SLC24A2: variants seen among roughly 807,000 people sequenced by gnomAD.
SLC24A2 encodes solute carrier family 24 member 2.
In SLC24A2, 36 loss-of-function variants were observed where a neutral mutation model predicts 62.0. The observed-to-expected ratio is 0.58, with a 90% CI of 0.44 to 0.77. The LOEUF (loss-of-function observed/expected upper bound fraction) is 0.77, where lower values mean the gene tolerates loss of function less well. Among genes scored for constraint, SLC24A2 ranks in the 30% least tolerant of loss-of-function variants. The pLI is 0.00. For missense variants in SLC24A2, 846 were observed against 817.9 expected (o/e 1.03, Z -0.42); for synonymous variants, 358 against 294.0 (o/e 1.22, Z -2.23).
At chr9:19,763,341 T>C (rs1822405288) in intron 2 of SLC24A2, among the ~76,000 whole-genome samples, 1 of 152,226 alleles carries the variant, frequency 6.6e-6, no homozygotes. Flanking sequence ...TGGCCAGAAC[T>C]TCCAATACTA....
chr9:20,081,071 G>A, the SLC24A2 span, among the ~76,000 whole-genome samples: 62 of 152,268 alleles, frequency 4.1e-4, no homozygotes, highest in African/African-American at 1.5e-3. Context: ...TCAGTGTGGC[G>A]ATTCCTCAGG....
the SLC24A2 span, chr9:19,929,224 A>G: frequency 6.6e-6 from 1 of 152,160 alleles, no homozygotes; most frequent in African/African-American, 2.4e-5. Flanking sequence ...GACTGAAGGG[A>G]ACTCCTTTCA....
intron 2 of SLC24A2, among the ~76,000 whole-genome samples, chr9:19,785,386 C>T (rs944321397): frequency 6.6e-6 from 1 of 152,150 alleles, no homozygotes; most frequent in African/African-American, 2.4e-5. Context: ...GGTCAAGTGA[C>T]CTAAGACATG....
At chr9:20,223,346 A>G in the SLC24A2 span, among the ~76,000 whole-genome samples, 1 of 152,172 alleles carries the variant, frequency 6.6e-6, no homozygotes, top group South Asian at 2.1e-4. Flanking sequence ...TTCATTTTCA[A>G]TAAAAGCCGG....
chr9:19,820,002 T>TAC, the SLC24A2 span, among the ~76,000 whole-genome samples: 5 of 132,086 alleles, frequency 3.8e-5, 1 homozygote, highest in African/African-American at 6.0e-5. Context: ...AGTATATATA[T>TAC]ATATGTGTAT....
the SLC24A2 span, among the ~76,000 whole-genome samples, chr9:20,267,991 C>T: frequency 6.6e-6 from 1 of 152,188 alleles, no homozygotes; most frequent in Admixed American, 6.5e-5. Context: ...TACTTTTCTT[C>T]CTCCACCGTG....
At chr9:19,754,646 ATTTTTTTT>A (rs5896863) in intron 2 of SLC24A2, among the ~76,000 whole-genome samples, 1 of 143,734 alleles carries the variant, frequency 7.0e-6, no homozygotes, top group Non-Finnish European at 1.5e-5. Context: ...TCATGGGAGG[ATTTTTTTT>A]TTTTTTTTAA....
intron 2 of SLC24A2, among the ~76,000 whole-genome samples, chr9:19,737,601 G>T (rs77161512): frequency 0.014 from 2,197 of 151,886 alleles, 60 homozygotes; most frequent in East Asian, 0.11. Context: ...TGCATTCAAG[G>T]TGTATACATT....
chr9:19,753,071 G>C (rs1383665885), intron 2 of SLC24A2, among the ~76,000 whole-genome samples: 2 of 152,192 alleles, frequency 1.3e-5, no homozygotes, highest in African/African-American at 2.4e-5. Flanking sequence ...TTTAGACCTA[G>C]ATCCACATTT....
the SLC24A2 span, among the ~76,000 whole-genome samples, chr9:20,161,070 A>G: frequency 6.6e-6 from 1 of 151,438 alleles, no homozygotes; most frequent in South Asian, 2.1e-4. Flanking sequence ...TGATATGGAT[A>G]AAACTTCTTT....
chr9:20,056,152 T>G, the SLC24A2 span, among the ~76,000 whole-genome samples: 1 of 152,218 alleles, frequency 6.6e-6, no homozygotes, highest in African/African-American at 2.4e-5. Flanking sequence ...CTTATATATT[T>G]AGCAAAGAGC....
At position 19,786,843 on chromosome 9, in the gene SLC24A2, G is replaced by C. The variant is rs1406978876; in HGVS notation, c.24C>G (p.Thr8=). ...AACACCATTTCTCTAGGGAAGTGAT[G>C]GTGGTGCTTTGTTGCAGATCCATCC... is the stretch of plus-strand genomic sequence containing the variant. The part of the protein sequence containing the change: MDLQQST[T]ITSLEKWCLD... The change falls in exon 2 of 11, where the codon ACC becomes ACG. Residue 8 remains threonine (T), a synonymous_variant. Transcript: ENST00000341998. The surrounding 1 kb of genome is among the most constrained non-coding windows in gnomAD (Gnocchi z 5.0). The C allele has an allele frequency of 6.8e-6, 11 of 1,611,630 alleles. No homozygotes were observed. The highest frequency in any genetic ancestry group is 8.5e-6 in the Non-Finnish European group (10 of 1,179,930).
At chr9:20,061,798 C>T in the SLC24A2 span, among the ~76,000 whole-genome samples, 6 of 151,810 alleles carry the variant, frequency 4.0e-5, no homozygotes, top group Middle Eastern at 3.4e-3. Flanking sequence ...TAGGTTAAAA[C>T]CAAAGCACAA....
chr9:20,135,577 G>T, the SLC24A2 span, among the ~76,000 whole-genome samples: 1 of 152,026 alleles, frequency 6.6e-6, no homozygotes, highest in African/African-American at 2.4e-5. Flanking sequence ...AACATACGTA[G>T]AGTTTATCAC....
At chr9:20,178,851 G>A in the SLC24A2 span, among the ~76,000 whole-genome samples, 752 of 152,242 alleles carry the variant, frequency 4.9e-3, 8 homozygotes, top group African/African-American at 0.016. Flanking sequence ...GAAAACTCAA[G>A]TGAGTCAGCA....
chr9:19,806,768 C>A, the SLC24A2 span, among the ~76,000 whole-genome samples: 1 of 152,158 alleles, frequency 6.6e-6, no homozygotes, highest in South Asian at 2.1e-4. Context: ...GAAGTTGCAA[C>A]TCTGTGCCAT....
At chr9:20,123,495 T>C in the SLC24A2 span, among the ~76,000 whole-genome samples, 13 of 152,316 alleles carry the variant, frequency 8.5e-5, no homozygotes, top group Non-Finnish European at 1.9e-4. Flanking sequence ...AGAACAGTAA[T>C]CAAGATTATA....
chr9:19,930,349 T>G, the SLC24A2 span, among the ~76,000 whole-genome samples: 1 of 152,228 alleles, frequency 6.6e-6, no homozygotes, highest in Admixed American at 6.5e-5. Flanking sequence ...TGTGTTACAA[T>G]TGCCTGTAGT....
chr9:19,992,027 C>T, the SLC24A2 span, among the ~76,000 whole-genome samples: 9 of 152,192 alleles, frequency 5.9e-5, no homozygotes, highest in African/African-American at 2.2e-4. Context: ...TATGCTTCAA[C>T]CATCTATGTT....
Sources: gnomAD v4.1 joint callset for allele counts (sites outside exome capture counted in the v4.1 genomes callset) on GRCh38, gnomAD v4.1.1 for gene constraint, Gnocchi (gnomAD v3.1) non-coding constraint, MANE v1.5 for transcripts, NCBI Gene and HGNC (gene_info 2026-07-23, HGNC 2026-07-21) for gene names.